The following CDKAL1 variants were observed in gnomAD, a reference collection of about 807,000 sequenced individuals.
CDKAL1 encodes the protein CDKAL1 threonylcarbamoyladenosine tRNA methylthiotransferase, also known as threonylcarbamoyladenosine tRNA methylthiotransferase.
A neutral mutation model predicts 68.2 loss-of-function variants in CDKAL1; 32 were observed. That is an observed-to-expected ratio of 0.47 (90% CI 0.35 to 0.63). The LOEUF (loss-of-function observed/expected upper bound fraction) is 0.63. CDKAL1 is among the 30% of genes least tolerant of loss of function. The pLI is 0.00. For synonymous variants in CDKAL1, 234 were observed against 244.3 expected (o/e 0.96, Z 0.39); for missense variants, 606 against 696.7 (o/e 0.87, Z 1.47).
intron 9 of CDKAL1, among the ~76,000 whole-genome samples, chr6:20,850,344 C>T (rs1370022240): frequency 2.0e-5 from 3 of 151,870 alleles, no homozygotes; most frequent in Non-Finnish European, 4.4e-5. Context: ...TTTTTTTAAA[C>T]TCTATATCAA....
intron 4 of CDKAL1, among the ~76,000 whole-genome samples, chr6:20,557,089 AAAAT>A (rs201581809): frequency 0.045 from 6,741 of 148,324 alleles, 174 homozygotes; most frequent in Middle Eastern, 0.078. Flanking sequence ...AAATAAATGA[AAAAT>A]AAATAAATAC....
intron 9 of CDKAL1, among the ~76,000 whole-genome samples, chr6:20,942,217 T>A (rs1324818788): frequency 6.6e-6 from 1 of 152,158 alleles, no homozygotes; most frequent in Non-Finnish European, 1.5e-5. Context: ...TACGTTCAAA[T>A]AATATTTTAC....
At chr6:20,928,936 C>T (rs749192718) in intron 9 of CDKAL1, among the ~76,000 whole-genome samples, 3 of 152,150 alleles carry the variant, frequency 2.0e-5, no homozygotes, top group Admixed American at 6.6e-5. Context: ...CTTACGAAGT[C>T]GAGTCCTGGA....
chr6:20,737,192 A>T (rs1425438465), intron 5 of CDKAL1, among the ~76,000 whole-genome samples: 1 of 152,144 alleles, frequency 6.6e-6, no homozygotes, highest in Non-Finnish European at 1.5e-5. Flanking sequence ...GCCAATAAAA[A>T]TCCTCCTAGA....
chr6:20,888,521 T>A (rs12210522), intron 9 of CDKAL1, among the ~76,000 whole-genome samples: 1 of 42,244 alleles, frequency 2.4e-5, no homozygotes, highest in Non-Finnish European at 4.2e-5. Flanking sequence ...CCCTCCCCCC[T>A]CCCCCCACCC....
At chr6:20,806,438 C>T (rs1260336857) in intron 8 of CDKAL1, among the ~76,000 whole-genome samples, 2 of 152,128 alleles carry the variant, frequency 1.3e-5, no homozygotes, top group African/African-American at 2.4e-5. Context: ...CTGCGCTGAA[C>T]ATACATGTTT....
chr6:20,761,272 A>C (rs748376404), intron 7 of CDKAL1, among the ~76,000 whole-genome samples: 3 of 152,240 alleles, frequency 2.0e-5, no homozygotes, highest in Admixed American at 1.3e-4. Context: ...AACATTGACA[A>C]CACCAAATTC....
chr6:20,958,436 T>C (rs766308313), intron 10 of CDKAL1, among the ~76,000 whole-genome samples: 16 of 152,116 alleles, frequency 1.1e-4, no homozygotes, highest in Non-Finnish European at 8.8e-5. Flanking sequence ...GGCTTCCCAG[T>C]GTCAAAACGG....
intron 9 of CDKAL1, among the ~76,000 whole-genome samples, chr6:20,929,752 G>C (rs1414794179): frequency 6.6e-6 from 1 of 152,130 alleles, no homozygotes; most frequent in Non-Finnish European, 1.5e-5. Flanking sequence ...GTCAAAGTGT[G>C]TTCTTCCCCA....
intron 13 of CDKAL1, among the ~76,000 whole-genome samples, chr6:21,137,568 C>T (rs549224447): frequency 5.3e-5 from 8 of 152,210 alleles, no homozygotes; most frequent in Non-Finnish European, 8.8e-5. Flanking sequence ...AATTTAGGGA[C>T]ATTTTAAGAA....
At chr6:20,851,399 CA>C (rs1472589184) in intron 9 of CDKAL1, among the ~76,000 whole-genome samples, 1 of 152,142 alleles carries the variant, frequency 6.6e-6, no homozygotes, top group Non-Finnish European at 1.5e-5. Context: ...CAATCAGTTT[CA>C]GTTGTATAAG....
chr6:21,199,635 T>C (rs539502150), intron 14 of CDKAL1, among the ~76,000 whole-genome samples: 49 of 152,256 alleles, frequency 3.2e-4, no homozygotes, highest in African/African-American at 1.1e-3. Context: ...TTTTTCCAAT[T>C]ATTAAAACTG....
chr6:20,909,452 GT>G (rs1476311397), intron 9 of CDKAL1, among the ~76,000 whole-genome samples: 3 of 152,272 alleles, frequency 2.0e-5, no homozygotes, highest in African/African-American at 7.2e-5. Context: ...AACCAATGTT[GT>G]TTTGCTTTAA....
chr6:21,136,671 T>C (rs1348397181), intron 13 of CDKAL1, among the ~76,000 whole-genome samples: 1 of 152,194 alleles, frequency 6.6e-6, no homozygotes, highest in Non-Finnish European at 1.5e-5. Context: ...GTGTACTTTT[T>C]TTTTCTAAGA....
At position 21,203,328 on chromosome 6, in the gene CDKAL1, C is replaced by G. The variant is rs935182454; in HGVS notation, c.1548+2054C>G. ...GTCAGCTCACTGCAGCCTCCACCCC[C>G]CAAGTTCAAGCAATTCTCATGCCTC... On this transcript the variant is annotated intron_variant, in intron 15 of 15. Transcript: ENST00000274695. 2.0e-5 allele frequency among the ~76,000 whole-genome samples: 3 copies of G among 149,212 alleles called. No individual in the cohort carries two copies. The Admixed American group carries it at 2.0e-4, about 10-fold the overall frequency.
At chr6:20,649,466 TATTTA>T in intron 5 of CDKAL1, 89 bp downstream of exon 5, 1 of 675,206 alleles carries the variant, frequency 1.5e-6, no homozygotes, top group Non-Finnish European at 2.5e-6. Flanking sequence ...TCAATATAGA[TATTTA>T]GTTTATATTA....
chr6:20,999,992 T>G (rs1359444927), intron 10 of CDKAL1, among the ~76,000 whole-genome samples: 5 of 152,338 alleles, frequency 3.3e-5, no homozygotes, highest in Non-Finnish European at 1.5e-5. Flanking sequence ...TTTTGTCACC[T>G]AAGAGAAACA....
chr6:20,825,975 A>G (rs1203276801), intron 8 of CDKAL1, among the ~76,000 whole-genome samples: 2 of 152,118 alleles, frequency 1.3e-5, no homozygotes, highest in Non-Finnish European at 2.9e-5. Flanking sequence ...GAGATTAGCT[A>G]CTTTTTCTTT....
intron 5 of CDKAL1, among the ~76,000 whole-genome samples, chr6:20,676,121 C>A (rs903561038): frequency 6.6e-6 from 1 of 151,786 alleles, no homozygotes; most frequent in Admixed American, 6.6e-5. Context: ...TTAAGGTAAT[C>A]GTTATTATGA....
Sources: allele counts gnomAD v4.1 joint callset (sites outside exome capture counted in the v4.1 genomes callset), GRCh38; gene constraint gnomAD v4.1.1; transcripts MANE v1.5; gene names NCBI Gene and HGNC (gene_info 2026-07-23, HGNC 2026-07-21).